Variants in GNS observed in about 807,000 individuals in gnomAD.
GNS encodes the protein glucosamine (N-acetyl)-6-sulfatase.
In GNS, 40 loss-of-function variants were observed where a neutral mutation model predicts 69.7. That is an observed-to-expected ratio of 0.57 (90% CI 0.45 to 0.75). GNS has a LOEUF of 0.75. Among genes scored for constraint, GNS ranks in the 30% least tolerant of loss-of-function variants. The pLI is 0.00. For missense variants in GNS, 565 were observed against 685.5 expected (o/e 0.82, Z 1.96); for synonymous variants, 243 against 251.6 (o/e 0.97, Z 0.32).
intron 11 of GNS, among the ~76,000 whole-genome samples, chr12:64,722,352 T>G (rs551248254): frequency 6.6e-6 from 1 of 152,282 alleles, no homozygotes; most frequent in African/African-American, 2.4e-5. Context: ...CTAGGAAATG[T>G]CACCCTAAGA....
chr12:64,734,066 C>T (rs57386149), intron 9 of GNS, among the ~76,000 whole-genome samples: 4,891 of 152,278 alleles, frequency 0.032, 262 homozygotes, highest in African/African-American at 0.11. Flanking sequence ...GGCACTGAGA[C>T]AACTATGCTG....
At chr12:64,740,349 A>G (rs769477515) in intron 7 of GNS, among the ~76,000 whole-genome samples, 5 of 152,192 alleles carry the variant, frequency 3.3e-5, no homozygotes, top group Non-Finnish European at 5.9e-5. Context: ...ATTCTACCAC[A>G]TGGTTCAAGT....
intron 7 of GNS, among the ~76,000 whole-genome samples, 162 bp downstream of exon 7, chr12:64,740,443 AG>A (rs1869696036): frequency 6.6e-6 from 1 of 152,206 alleles, no homozygotes; most frequent in Non-Finnish European, 1.5e-5. Flanking sequence ...TTGAGTGTAA[AG>A]GAATCTCTCT....
At chr12:64,731,066 G>A (rs899070511) in intron 9 of GNS, among the ~76,000 whole-genome samples, 4 of 152,096 alleles carry the variant, frequency 2.6e-5, no homozygotes, top group Non-Finnish European at 4.4e-5. Flanking sequence ...TGAGGTGGGG[G>A]GAAGCTCTTT....
intron 7 of GNS, 125 bp from the exon 8 acceptor site, chr12:64,739,624 A>C: frequency 1.5e-6 from 1 of 652,256 alleles, no homozygotes. Flanking sequence ...AAAAAATCCA[A>C]AACAACCCCC....
At chr12:64,723,309 G>A (rs1252913960) in intron 10 of GNS, among the ~76,000 whole-genome samples, 196 bp from the exon 11 acceptor site, 6 of 152,164 alleles carry the variant, frequency 3.9e-5, no homozygotes, top group Admixed American at 2.0e-4. Context: ...CTTTACAAAC[G>A]ATGGTGAAAT....
chr12:64,724,678 T>C (rs1869138610), intron 10 of GNS, among the ~76,000 whole-genome samples: 1 of 151,990 alleles, frequency 6.6e-6, no homozygotes, highest in Non-Finnish European at 1.5e-5. Flanking sequence ...ACCAACATGG[T>C]GAAACCCCGT....
At chr12:64,731,584 T>C (rs1370055693) in intron 9 of GNS, among the ~76,000 whole-genome samples, 1 of 152,200 alleles carries the variant, frequency 6.6e-6, no homozygotes, top group Non-Finnish European at 1.5e-5. Context: ...AAGCGGACAG[T>C]CTCAAAATTA....
chr12:64,739,564 C>CAAAAAAA, intron 7 of GNS, 65 bp from the exon 8 acceptor site: 1 of 296,694 alleles, frequency 3.4e-6, no homozygotes, highest in East Asian at 5.1e-5. Flanking sequence ...ACTATCTTGC[C>CAAAAAAA]AAAAAAAAAA....
intron 1 of GNS, among the ~76,000 whole-genome samples, chr12:64,753,292 A>G (rs1364177586): frequency 6.6e-6 from 1 of 152,178 alleles, no homozygotes; most frequent in Admixed American, 6.5e-5. Context: ...AAGGACTTGA[A>G]CCAGGTGGCA....
chr12:64,727,226 T>A (rs1025106773), intron 10 of GNS, among the ~76,000 whole-genome samples: 7 of 149,532 alleles, frequency 4.7e-5, no homozygotes, highest in Non-Finnish European at 8.9e-5. Context: ...GCCCAGGAGT[T>A]CGAGATCACC....
In GNS at chr12:64,756,813, GCCC is replaced by G. The variant is rs1870265555; in HGVS notation, c.192+2269_192+2271del. 4.3e-6 allele frequency: 4 copies of G among 935,644 alleles called. No individual in the cohort carries two copies. In the South Asian group the frequency reaches 5.7e-5, roughly 13 times the overall value. The allele number at this position is 935,644 out of a possible 1,614,324, so 58.0% of individuals were successfully genotyped here. On this transcript the variant is annotated intron_variant, in intron 1 of 13. Coordinates refer to ENST00000258145, the MANE Select transcript of GNS (RefSeq NM_002076.4). ...GTTTGGAACATTAAGTTTGACTTAT[GCCC>G]TCCACTCAATTTTGGTACCTCTCTC...
At position 64,715,001 on chromosome 12, in the gene GNS, G is replaced by A. The variant is rs560488697; in HGVS notation, c.*1740C>T. Reference sequence around the variant, plus strand: ...ATCCAATTGACTGTTAGCCCAACATGACTATCTGCAATTCTGATAGAAAAG... The same window carrying A: ...ATCCAATTGACTGTTAGCCCAACATAACTATCTGCAATTCTGATAGAAAAG... On this transcript the variant is annotated 3_prime_UTR_variant, in exon 14 of 14. Coordinates refer to ENST00000258145, the MANE Select transcript of GNS (RefSeq NM_002076.4). The A allele has an allele frequency of 6.5e-6, 1 of 152,740 alleles. No homozygotes were observed. Among genetic ancestry groups the A allele is most frequent in the Admixed American group, 6.5e-5 (1 of 15,300 alleles). 9.5% of individuals were successfully genotyped at this position (152,740 alleles called of 1,614,324 possible).
intron 5 of GNS, 86 bp downstream of exon 5, chr12:64,744,723 T>C: frequency 1.3e-6 from 1 of 775,750 alleles, no homozygotes; most frequent in South Asian, 1.4e-5. Flanking sequence ...CACAAACGAA[T>C]AAGATTATAG....
At position 64,719,001 on chromosome 12, in the gene GNS, T is replaced by C. The variant is rs367791069; in HGVS notation, c.1580+1021A>G. 2.0e-4 allele frequency among the ~76,000 whole-genome samples: 31 copies of C among 152,342 alleles called. 1 individual carries two copies. The East Asian group carries it at 5.2e-3, about 26-fold the overall frequency. ...TGGTCAAAATTCTTGACCATTCTTA[T>C]TGTACTAATGGGATTATCCATATAA... On this transcript the variant is annotated intron_variant, in intron 13 of 13. Transcript: ENST00000258145.
chr12:64,723,048 G>T lies in GNS; in HGVS notation c.1266C>A (p.Asn422Lys). The change falls in exon 11 of 14, where the codon AAC becomes AAA. Residue 422 changes from asparagine to lysine, a missense_variant. Physicochemically the swap from Asn to Lys is moderately conservative, Grantham distance 94. This residue lies in a region of GNS where 384 missense variants were observed against 511.0 expected (regional missense o/e 0.75). Coordinates refer to ENST00000258145, the MANE Select transcript of GNS (RefSeq NM_002076.4). ...GGGAAGGGCATGTTGGGTCAGTGAC[G>T]TTACGGCCTTCTCCTTGGTATTCCA... ...VLVEYQGEGR[N>K]VTDPTCPSLS... 1.2e-6 allele frequency: 2 copies of T among 1,612,498 alleles called. No individual in the cohort carries two copies. Among genetic ancestry groups the T allele is most frequent in the Non-Finnish European group, 1.7e-6 (2 of 1,178,506 alleles).
intron 1 of GNS, among the ~76,000 whole-genome samples, chr12:64,758,299 C>CA (rs919280415): frequency 3.0e-5 from 4 of 131,470 alleles, no homozygotes; most frequent in Non-Finnish European, 6.3e-5. Flanking sequence ...CAGATTAGTT[C>CA]ACTTCAGGCC....
chr12:64,756,273 C>T (rs557420440), intron 1 of GNS, among the ~76,000 whole-genome samples: 3 of 152,268 alleles, frequency 2.0e-5, no homozygotes, highest in Admixed American at 2.0e-4. Flanking sequence ...ATTTATTTTG[C>T]CAACTATGGC....
intron 2 of GNS, among the ~76,000 whole-genome samples, chr12:64,749,778 G>T (rs564057747): frequency 6.6e-6 from 1 of 151,750 alleles, no homozygotes; most frequent in South Asian, 2.1e-4. Flanking sequence ...AGTTTAAATT[G>T]GCAACTCTTA....
Sources: gnomAD v4.1 joint callset for allele counts (sites outside exome capture counted in the v4.1 genomes callset) on GRCh38, gnomAD v4.1.1 for gene constraint, gnomAD v4.1.1 regional missense constraint, MANE v1.5 for transcripts, NCBI Gene and HGNC (gene_info 2026-07-23, HGNC 2026-07-21) for gene names.